Variants in RYR2 observed in about 807,000 individuals in gnomAD.
RYR2 encodes the protein ryanodine receptor 2, also known as cardiac muscle ryanodine receptor-calcium release channel.
RYR2 carries 227 observed loss-of-function variants against 601.1 expected under a neutral mutation model. That is an observed-to-expected ratio of 0.38 (90% CI 0.34 to 0.42). The LOEUF is 0.42. Ranked by LOEUF, RYR2 falls within the 10% of genes least tolerant of loss-of-function variation. The pLI is 1.00. For synonymous variants in RYR2, 2,223 were observed against 2,175.1 expected, an observed-to-expected ratio of 1.02 and a Z score of -0.61; for missense variants, 4,646 against 6,156.5, an observed-to-expected ratio of 0.75 and a Z score of 8.21.
intron 63 of RYR2, among the ~76,000 whole-genome samples, chr1:237,689,780 C>G (rs1424976300): frequency 6.6e-6 from 1 of 151,214 alleles, no homozygotes; most frequent in African/African-American, 2.4e-5. Flanking sequence ...AAAATATAAA[C>G]TTCAACATGG....
At chr1:237,233,613 A>G (rs1037589277) in intron 1 of RYR2, among the ~76,000 whole-genome samples, 2 of 152,296 alleles carry the variant, frequency 1.3e-5, no homozygotes, top group South Asian at 2.1e-4. Flanking sequence ...TATGCATGTC[A>G]GTCAAGAGTA....
intron 10 of RYR2, among the ~76,000 whole-genome samples, chr1:237,400,622 G>A (rs922053233): frequency 6.6e-6 from 1 of 152,110 alleles, no homozygotes; most frequent in Admixed American, 6.6e-5. Context: ...ATATTTTAAA[G>A]ATAATTTTTA....
intron 5 of RYR2, among the ~76,000 whole-genome samples, chr1:237,367,213 C>T (rs1700271230): frequency 6.6e-6 from 1 of 152,094 alleles, no homozygotes; most frequent in African/African-American, 2.4e-5. Flanking sequence ...TCTGTCTCAG[C>T]CTCCTGAAAG....
intron 23 of RYR2, among the ~76,000 whole-genome samples, chr1:237,509,577 G>A (rs962051114): frequency 1.3e-5 from 2 of 152,092 alleles, no homozygotes; most frequent in Admixed American, 6.5e-5. Flanking sequence ...TCATTTATTC[G>A]TCCCTTTAAC....
intron 2 of RYR2, among the ~76,000 whole-genome samples, chr1:237,319,137 C>T (rs1172246438): frequency 6.6e-6 from 1 of 151,884 alleles, no homozygotes; most frequent in African/African-American, 2.4e-5. Context: ...ACAGATTTTC[C>T]ATTTGATTTA....
chr1:237,107,820 C>T (rs989991350), intron 1 of RYR2, among the ~76,000 whole-genome samples: 13 of 152,218 alleles, frequency 8.5e-5, no homozygotes, highest in African/African-American at 2.2e-4. Context: ...GCACGTCACA[C>T]GTGTGGCATC....
chr1:237,651,465 T>C lies in RYR2; in HGVS notation c.7788T>C (p.Val2596=), dbSNP rs764871146. Reference sequence around the variant, plus strand: ...TACTCAGAAGATTAGTATTTGATGTTCCATTATTAAATGAACACGCAAAGA... The same window carrying C: ...TACTCAGAAGATTAGTATTTGATGTCCCATTATTAAATGAACACGCAAAGA... ...QHLLRRLVFD[V]PLLNEHAKMP... Residue 2596 remains valine (V), a synonymous_variant, in exon 51 of 105, where the codon GTT becomes GTC. Coordinates refer to ENST00000366574, the MANE Select transcript of RYR2 (RefSeq NM_001035.3). 4 of 1,591,418 alleles carry C rather than the reference T, an allele frequency of 2.5e-6. No individual in the cohort carries two copies. The highest frequency in any genetic ancestry group is 2.6e-6 in the Non-Finnish European group (3 of 1,167,754).
At chr1:237,690,815 A>T (rs1024952113) in intron 63 of RYR2, among the ~76,000 whole-genome samples, 6 of 152,206 alleles carry the variant, frequency 3.9e-5, no homozygotes, top group African/African-American at 1.4e-4. Context: ...GTGAGCCAAC[A>T]TTGCACACCA....
At chr1:237,568,242 T>C (rs1362379077) in intron 28 of RYR2, among the ~76,000 whole-genome samples, 2 of 152,168 alleles carry the variant, frequency 1.3e-5, no homozygotes, top group South Asian at 2.1e-4. Context: ...TGATACCTGA[T>C]GTAAACTTTT....
At chr1:237,122,699 A>G (rs1260255117) in intron 1 of RYR2, among the ~76,000 whole-genome samples, 1 of 152,048 alleles carries the variant, frequency 6.6e-6, no homozygotes, top group African/African-American at 2.4e-5. Context: ...CAAACAAACA[A>G]ACAAACAAAC....
At chr1:237,312,904 A>G (rs1694714095) in intron 2 of RYR2, among the ~76,000 whole-genome samples, 1 of 152,158 alleles carries the variant, frequency 6.6e-6, no homozygotes, top group African/African-American at 2.4e-5. Flanking sequence ...CATTTTTGTA[A>G]TCTTTCTTTT....
intron 17 of RYR2, among the ~76,000 whole-genome samples, chr1:237,482,863 G>A (rs2150371210): frequency 6.6e-6 from 1 of 152,260 alleles, no homozygotes; most frequent in East Asian, 1.9e-4. Flanking sequence ...GCCAGCATTT[G>A]TTATTGCCTG....
intron 35 of RYR2, among the ~76,000 whole-genome samples, chr1:237,609,763 G>T (rs1677615471): frequency 6.6e-6 from 1 of 151,808 alleles, no homozygotes; most frequent in Non-Finnish European, 1.5e-5. Flanking sequence ...CTAGCTTTCT[G>T]TCCCCCAAAC....
chr1:237,462,862 C>G (rs1289601170), intron 16 of RYR2, among the ~76,000 whole-genome samples: 4 of 152,100 alleles, frequency 2.6e-5, no homozygotes, highest in Non-Finnish European at 5.9e-5. Flanking sequence ...TTCAGGAAGT[C>G]TCAGAAACGT....
intron 40 of RYR2, among the ~76,000 whole-genome samples, chr1:237,626,148 T>C (rs1245955067): frequency 6.6e-6 from 1 of 152,238 alleles, no homozygotes; most frequent in African/African-American, 2.4e-5. Flanking sequence ...TATTATTGCA[T>C]CAAATTAAAC....
chr1:237,522,219 T>A (rs1667160371), intron 24 of RYR2, among the ~76,000 whole-genome samples: 1 of 152,154 alleles, frequency 6.6e-6, no homozygotes, highest in Non-Finnish European at 1.5e-5. Context: ...TCTTCTGGCT[T>A]CCCTGGGCCA....
intron 1 of RYR2, among the ~76,000 whole-genome samples, chr1:237,103,820 C>T (rs1015281964): frequency 2.0e-5 from 3 of 152,224 alleles, no homozygotes; most frequent in Non-Finnish European, 2.9e-5. Flanking sequence ...CCACCCGCCT[C>T]GGCCTCCCAA....
chr1:237,496,881 A>T (rs1185592152), intron 20 of RYR2, 129 bp downstream of exon 20: 2 of 1,099,226 alleles, frequency 1.8e-6, no homozygotes, highest in Non-Finnish European at 2.6e-6. Context: ...TAGCATTGAG[A>T]TGATGAGTAA....
At chr1:237,716,029 T>G (rs1689238640) in intron 71 of RYR2, among the ~76,000 whole-genome samples, 1 of 152,140 alleles carries the variant, frequency 6.6e-6, no homozygotes, top group South Asian at 2.1e-4. Flanking sequence ...ATTCATGCAA[T>G]AAGCATATCT....
Sources: allele counts gnomAD v4.1 joint callset (sites outside exome capture counted in the v4.1 genomes callset), GRCh38; gene constraint gnomAD v4.1.1; transcripts MANE v1.5; gene names NCBI Gene and HGNC (gene_info 2026-07-23, HGNC 2026-07-21).